The following GAK variants were observed in gnomAD, a reference collection of about 807,000 sequenced individuals.
GAK encodes cyclin-G-associated kinase.
GAK carries 79 observed loss-of-function variants against 143.9 expected under a neutral mutation model. That is an observed-to-expected ratio of 0.55 (90% CI 0.46 to 0.66). The LOEUF is 0.66. Ranked by LOEUF, GAK falls within the 30% of genes least tolerant of loss-of-function variation. GAK has a pLI of 0.00. For synonymous variants in GAK, 881 were observed against 765.5 expected, an observed-to-expected ratio of 1.15 and a Z score of -2.49; for missense variants, 1,693 against 1,779.7, an observed-to-expected ratio of 0.95 and a Z score of 0.88.
intron 10 of GAK, among the ~76,000 whole-genome samples, chr4:889,545 G>A (rs1021971773): frequency 7.9e-5 from 12 of 152,172 alleles, no homozygotes; most frequent in Non-Finnish European, 1.2e-4. Flanking sequence ...GCAGCTCGAG[G>A]ACTCACCCTT....
In GAK at chr4:854,305, G is replaced by T. The variant is rs1254851533; in HGVS notation, c.3284-2331C>A. Among the ~76,000 whole-genome samples the T allele has an allele frequency of 4.6e-5, 7 of 152,208 alleles. No homozygotes were observed. In the South Asian group the frequency reaches 1.2e-3, roughly 27 times the overall value. The stretch of plus-strand genomic sequence containing the variant: ...ACTGGATTGCTTTCAGTTTGTTTTT[G>T]ACTGTATTTTTATATTCTGTAGATG... On this transcript the variant is annotated intron_variant, in intron 24 of 27. Transcript: ENST00000314167.
At chr4:854,821 G>A (rs1177753609) in intron 24 of GAK, among the ~76,000 whole-genome samples, 1 of 152,104 alleles carries the variant, frequency 6.6e-6, no homozygotes, top group African/African-American at 2.4e-5. Context: ...CGAGGCGGGC[G>A]GATCACGAGG....
At position 883,303 on chromosome 4, in the gene GAK, G is replaced by C; in HGVS notation, c.1404+12C>G. The C allele has an allele frequency of 6.2e-7, 1 of 1,612,802 alleles. No homozygotes were observed. Among genetic ancestry groups the C allele is most frequent in the Non-Finnish European group, 8.5e-7 (1 of 1,179,724 alleles). ...CCAGAGTGGCACCAAGACAAAGCCTGTGGCCACACACCCGGTTGTGGAACC... is the reference window on the plus strand; with the variant it reads ...CCAGAGTGGCACCAAGACAAAGCCTCTGGCCACACACCCGGTTGTGGAACC... On this transcript the variant is annotated intron_variant, in intron 13 of 27. Transcript: ENST00000314167.
intron 12 of GAK, 97 bp from the exon 13 acceptor site, chr4:883,560 G>A (rs1577152329): frequency 5.2e-6 from 7 of 1,334,402 alleles, no homozygotes; most frequent in South Asian, 2.6e-5. Flanking sequence ...CCGGGCAAGC[G>A]CAGCCTCCGG....
At chr4:864,723 C>A (rs1004266762) in intron 23 of GAK, among the ~76,000 whole-genome samples, 1 of 152,180 alleles carries the variant, frequency 6.6e-6, no homozygotes, top group South Asian at 2.1e-4. Flanking sequence ...CCCATGGGGT[C>A]GGCCTCAGTC....
At chr4:907,832 G>A (rs1052962347) in intron 4 of GAK, among the ~76,000 whole-genome samples, 26 of 152,224 alleles carry the variant, frequency 1.7e-4, no homozygotes, top group Middle Eastern at 3.2e-3. Flanking sequence ...GCTCTCAGCC[G>A]CACATGCTGC....
chr4:887,530 C>T (rs118170220), intron 11 of GAK: 6 of 150,490 alleles, frequency 4.0e-5, no homozygotes, highest in East Asian at 2.0e-4. Flanking sequence ...CACTTGCATG[C>T]GTGTGTACAC....
Position 909,699 on chromosome 4 carries a change from T to A in GAK, c.382+1974A>T, listed in dbSNP as rs571846662. Among the ~76,000 whole-genome samples, 13 of 152,328 alleles carry A rather than the reference T, an allele frequency of 8.5e-5. No homozygotes were observed. In the East Asian group the frequency reaches 1.7e-3, roughly 20 times the overall value. Reference sequence around the variant, plus strand: ...TCTGGTCTTGACGTCTGCGACTTATTTTTAAACGGTTAGAATGGAGAGAGG... The same window carrying A: ...TCTGGTCTTGACGTCTGCGACTTATATTTAAACGGTTAGAATGGAGAGAGG... On this transcript the variant is annotated intron_variant, in intron 4 of 27. Coordinates refer to ENST00000314167, the MANE Select transcript of GAK (RefSeq NM_005255.4).
At chr4:896,636 A>C in intron 6 of GAK, 87 bp from the exon 7 acceptor site, 1 of 1,028,942 alleles carries the variant, frequency 9.7e-7, no homozygotes, top group Non-Finnish European at 1.5e-6. Context: ...AGCTTTCCAA[A>C]TGCACAGCAG....
chr4:859,970 T>C (rs1456154533), intron 23 of GAK, among the ~76,000 whole-genome samples: 1 of 152,206 alleles, frequency 6.6e-6, no homozygotes, highest in Non-Finnish European at 1.5e-5. Context: ...ACCATGCTCA[T>C]ATCATTATGA....
At chr4:907,641 G>A (rs1721316205) in intron 4 of GAK, among the ~76,000 whole-genome samples, 1 of 152,226 alleles carries the variant, frequency 6.6e-6, no homozygotes, top group African/African-American at 2.4e-5. Context: ...TCCCTCAGAG[G>A]ACACTGGAGG....
At chr4:893,752 C>A (rs1430546281) in intron 8 of GAK, 122 bp downstream of exon 8, 7 of 1,230,120 alleles carry the variant, frequency 5.7e-6, no homozygotes, top group South Asian at 3.3e-5. Flanking sequence ...GTTGTCAAAA[C>A]TATGGTGACG....
intron 1 of GAK, among the ~76,000 whole-genome samples, chr4:917,051 T>G (rs1164539538): frequency 1.3e-5 from 2 of 152,266 alleles, no homozygotes; most frequent in Admixed American, 6.5e-5. Flanking sequence ...AAAGGCAGTA[T>G]GCCGAGTAAA....
chr4:880,563 T>A (rs1460320946), intron 15 of GAK, among the ~76,000 whole-genome samples: 1 of 151,988 alleles, frequency 6.6e-6, no homozygotes, highest in Non-Finnish European at 1.5e-5. Context: ...CAAGGACCCT[T>A]CCAGTCCTGC....
At chr4:879,605 G>A (rs572296704) in intron 15 of GAK, among the ~76,000 whole-genome samples, 8 of 152,220 alleles carry the variant, frequency 5.3e-5, no homozygotes, top group South Asian at 2.1e-4. Flanking sequence ...CTCTGTGCTC[G>A]GTTTGCAGGA....
At chr4:889,452 A>T (rs1240361721) in intron 10 of GAK, among the ~76,000 whole-genome samples, 6 of 152,056 alleles carry the variant, frequency 3.9e-5, no homozygotes, top group African/African-American at 1.4e-4. Context: ...TGTTAAAAAA[A>T]AAACACCTGG....
chr4:892,592 CCT>C (rs1192847982), intron 9 of GAK, among the ~76,000 whole-genome samples: 1 of 152,214 alleles, frequency 6.6e-6, no homozygotes, highest in Non-Finnish European at 1.5e-5. Flanking sequence ...GCCCCCAGGC[CCT>C]GATGCTGCCA....
intron 10 of GAK, 93 bp from the exon 11 acceptor site, chr4:889,063 G>T: frequency 7.1e-7 from 1 of 1,405,668 alleles, no homozygotes; most frequent in Non-Finnish European, 9.4e-7. Flanking sequence ...CAGGCGCTCG[G>T]TCCCACCTCC....
intron 23 of GAK, among the ~76,000 whole-genome samples, chr4:860,973 A>G (rs1464671052): frequency 6.6e-6 from 1 of 152,174 alleles, no homozygotes; most frequent in East Asian, 1.9e-4. Context: ...TGATATTTCA[A>G]ACTTCTTCAT....
Sources: allele counts gnomAD v4.1 joint callset (sites outside exome capture counted in the v4.1 genomes callset), GRCh38; gene constraint gnomAD v4.1.1; transcripts MANE v1.5; gene names NCBI Gene and HGNC (gene_info 2026-07-23, HGNC 2026-07-21).